Variants in BEND7 observed in about 807,000 individuals in gnomAD.
BEND7 encodes BEN domain containing 7.
In BEND7, 28 loss-of-function variants were observed where a neutral mutation model predicts 50.9. The observed-to-expected ratio is 0.55, with a 90% CI of 0.41 to 0.75. The LOEUF is 0.75. Among genes scored for constraint, BEND7 ranks in the 30% least tolerant of loss-of-function variants. The probability of loss-of-function intolerance (pLI) is 0.00; values close to 1 mark genes in which losing one functional copy is unlikely to be tolerated. For synonymous variants in BEND7, 170 were observed against 183.9 expected, an observed-to-expected ratio of 0.92 and a Z score of 0.61; for missense variants, 477 against 491.3, an observed-to-expected ratio of 0.97 and a Z score of 0.28.
chr10:13,514,207 C>T (rs1024691277), intron 2 of BEND7, among the ~76,000 whole-genome samples: 1 of 152,226 alleles, frequency 6.6e-6, no homozygotes, highest in Non-Finnish European at 1.5e-5. Context: ...TACAACCTCC[C>T]AGCCTGGCCT....
chr10:13,446,919 AC>A, intron 8 of BEND7: 1 of 313,564 alleles, frequency 3.2e-6, no homozygotes, highest in South Asian at 3.3e-5. Flanking sequence ...ATTTGATCAC[AC>A]AAAATTAGTG....
chr10:13,485,922 C>T (rs998843096), intron 5 of BEND7, among the ~76,000 whole-genome samples: 1 of 152,114 alleles, frequency 6.6e-6, no homozygotes, highest in African/African-American at 2.4e-5. Flanking sequence ...CAACCTGGTG[C>T]CCAAACTGGG....
intron 6 of BEND7, among the ~76,000 whole-genome samples, chr10:13,458,908 C>T (rs1005824317): frequency 2.0e-5 from 3 of 152,140 alleles, no homozygotes; most frequent in Non-Finnish European, 4.4e-5. Context: ...TCCCCATGTG[C>T]GAGGCAGTTT....
chr10:13,449,512 C>T (rs1016656919), intron 7 of BEND7, among the ~76,000 whole-genome samples: 2 of 152,152 alleles, frequency 1.3e-5, no homozygotes, highest in African/African-American at 2.4e-5. Context: ...GGACATGAGT[C>T]GCGTTAATGT....
chr10:13,488,734 G>A (rs574621707), intron 5 of BEND7, among the ~76,000 whole-genome samples: 96 of 152,266 alleles, frequency 6.3e-4, no homozygotes, highest in African/African-American at 1.8e-3. Flanking sequence ...TGATCCGCCC[G>A]CCTTGGCCTC....
chr10:13,441,940 C>T (rs1158433093), intron 8 of BEND7, 190 bp from the exon 9 acceptor site: 2 of 610,078 alleles, frequency 3.3e-6, no homozygotes, highest in Non-Finnish European at 5.8e-6. Flanking sequence ...CTACAAGCCA[C>T]GCCTAAAGCC....
chr10:13,460,627 C>A (rs2043672960), intron 6 of BEND7, among the ~76,000 whole-genome samples: 1 of 152,226 alleles, frequency 6.6e-6, no homozygotes, highest in African/African-American at 2.4e-5. Flanking sequence ...GAGTGGGCAC[C>A]ACTGGCCTTT....
In BEND7 at chr10:13,512,190, T is replaced by C. The variant is rs537675957; in HGVS notation, c.146-12110A>G. ...GGAGGATCACTTGAGCCCAGAAGTTTAAGGCTGCAGTATGCTACAACCACG... is the reference window on the plus strand; with the variant it reads ...GGAGGATCACTTGAGCCCAGAAGTTCAAGGCTGCAGTATGCTACAACCACG... On this transcript the variant is annotated intron_variant, in intron 2 of 8. Transcript: ENST00000466271. 1.7e-4 allele frequency among the ~76,000 whole-genome samples: 26 copies of C among 152,230 alleles called. No homozygotes were observed. The South Asian group carries it at 4.4e-3, about 26-fold the overall frequency.
chr10:13,509,804 A>G (rs1022328688), intron 2 of BEND7, among the ~76,000 whole-genome samples: 1 of 152,218 alleles, frequency 6.6e-6, no homozygotes, highest in Non-Finnish European at 1.5e-5. Flanking sequence ...GGCAAAGTCA[A>G]AAACGAAAGG....
In BEND7 at chr10:13,492,839, A is replaced by G. The variant is rs751650534; in HGVS notation, c.609T>C (p.Leu203=). 4.4e-6 allele frequency: 7 copies of G among 1,606,608 alleles called. No homozygotes were observed. Among genetic ancestry groups the G allele is most frequent in the Non-Finnish European group, 5.9e-6 (7 of 1,178,478 alleles). The change falls in exon 5 of 9, where the codon CTT becomes CTC. Residue 203 remains leucine, a synonymous_variant. Transcript: ENST00000466271. ...TQNRQQPPIS[L]ICSQRTAVSR... ...AGACAGCAGTTCGCTGGGAGCATAT[A>G]AGGGAAATTGGAGGTTGTTGTCTGT...
At chr10:13,450,572 G>GGGTT (rs1420527639) in intron 7 of BEND7, among the ~76,000 whole-genome samples, 2 of 152,278 alleles carry the variant, frequency 1.3e-5, no homozygotes, top group East Asian at 3.9e-4. Flanking sequence ...CTGCTTGTCA[G>GGGTT]GGTTGGTTTT....
intron 5 of BEND7, among the ~76,000 whole-genome samples, chr10:13,482,443 A>C (rs1399488310): frequency 6.6e-6 from 1 of 152,226 alleles, no homozygotes; most frequent in Non-Finnish European, 1.5e-5. Context: ...TGCAGTTTCT[A>C]ATCACATCAG....
At chr10:13,461,954 G>A (rs1008791678) in intron 6 of BEND7, among the ~76,000 whole-genome samples, 1 of 152,126 alleles carries the variant, frequency 6.6e-6, no homozygotes, top group African/African-American at 2.4e-5. Context: ...GCCTGCTAGA[G>A]ATGAGCTCAT....
intron 2 of BEND7, among the ~76,000 whole-genome samples, chr10:13,507,333 C>A (rs1213741155): frequency 6.6e-6 from 1 of 152,154 alleles, no homozygotes; most frequent in Non-Finnish European, 1.5e-5. Context: ...AGTCTCAAAC[C>A]CATCACTCAG....
At chr10:13,517,661 T>C (rs778896587) in intron 2 of BEND7, among the ~76,000 whole-genome samples, 5 of 152,096 alleles carry the variant, frequency 3.3e-5, no homozygotes, top group Admixed American at 3.3e-4. Context: ...GCTGAGTACC[T>C]TGAGCCCAGG....
intron 2 of BEND7, among the ~76,000 whole-genome samples, chr10:13,520,043 G>A (rs941176278): frequency 3.3e-4 from 50 of 152,112 alleles, no homozygotes; most frequent in African/African-American, 1.1e-3. Flanking sequence ...AGAGGAGAGC[G>A]GGGCCTCACT....
At chr10:13,456,050 CAGA>C (rs2131147567) in intron 6 of BEND7, among the ~76,000 whole-genome samples, 1 of 152,194 alleles carries the variant, frequency 6.6e-6, no homozygotes, top group African/African-American at 2.4e-5. Flanking sequence ...ACAGTTTTGG[CAGA>C]AGAACAGGGA....
intron 6 of BEND7, among the ~76,000 whole-genome samples, chr10:13,460,954 C>A (rs1380440653): frequency 6.6e-6 from 1 of 152,168 alleles, no homozygotes; most frequent in Admixed American, 6.5e-5. Flanking sequence ...AAAAATCCTG[C>A]AGTGAAATGG....
intron 6 of BEND7, among the ~76,000 whole-genome samples, chr10:13,457,954 T>C (rs1839357845): frequency 6.6e-6 from 1 of 152,212 alleles, no homozygotes; most frequent in Non-Finnish European, 1.5e-5. Context: ...TATTTTAATA[T>C]ATGAAGAAGC....
Sources: gnomAD v4.1 joint callset for allele counts (sites outside exome capture counted in the v4.1 genomes callset) on GRCh38, gnomAD v4.1.1 for gene constraint, MANE v1.5 for transcripts, NCBI Gene and HGNC (gene_info 2026-07-23, HGNC 2026-07-21) for gene names.